GRIP2: variants seen among roughly 807,000 people sequenced by gnomAD.
GRIP2 encodes the protein glutamate receptor interacting protein 2.
GRIP2 carries 58 observed loss-of-function variants against 108.3 expected under a neutral mutation model. That is an observed-to-expected ratio of 0.54 (90% confidence interval 0.43 to 0.67). GRIP2 has a LOEUF of 0.67. Among genes scored for constraint, GRIP2 ranks in the 30% least tolerant of loss-of-function variants. GRIP2 has a pLI of 0.00. For synonymous variants in GRIP2, 586 were observed against 598.2 expected (o/e 0.98, Z 0.30); for missense variants, 1,278 against 1,430.6 (o/e 0.89, Z 1.72).
upstream of GRIP2, among the ~76,000 whole-genome samples, chr3:14,546,110 C>T (rs567570304): frequency 2.0e-5 from 3 of 152,276 alleles, no homozygotes; most frequent in Admixed American, 2.0e-4. Flanking sequence ...TCACCAGCAT[C>T]TTCACACCCC....
rs2124827212 is a variant in GRIP2, at chr3:14,494,865, T to C, written c.2948A>G (p.Gln983Arg). The C allele has an allele frequency of 6.2e-7, 1 of 1,613,692 alleles. No individual in the cohort carries two copies. The highest frequency in any genetic ancestry group is 8.5e-7 in the Non-Finnish European group (1 of 1,179,704). ...TACCTGCAGGACCCTGTCGAAGGGC[T>C]GGAGGCCTCCACGGTGGGCTGGCCC... ...PDGPAHRGGL[Q>R]PFDRVLQVNH... Residue 983 changes from glutamine (Q) to arginine (R), a missense_variant, in exon 23 of 24, where the codon CAG becomes CGG. Transcript: ENST00000621039.
In GRIP2 at chr3:14,520,159, C is replaced by A; in HGVS notation, c.981G>T (p.Glu327Asp). The change falls in exon 9 of 24, where the codon GAG becomes GAT. Residue 327 changes from glutamate (E) to aspartate (D), a missense_variant. Transcript: ENST00000621039. ...LASISEKVRL[E>D]ILPVPQSQRP... is the part of the protein sequence containing the mutation. ...GCTGACTCTGGGGCACAGGCAGGAT[C>A]TCCAGCCGCACCTTCTCTGAAATGC... 3 of 1,611,210 alleles carry A rather than the reference C, an allele frequency of 1.9e-6. No homozygotes were observed. Among genetic ancestry groups the A allele is most frequent in the Non-Finnish European group, 2.5e-6 (3 of 1,179,152 alleles).
At chr3:14,509,213 C>T (rs1427139681) in intron 17 of GRIP2, among the ~76,000 whole-genome samples, 1 of 152,212 alleles carries the variant, frequency 6.6e-6, no homozygotes, top group African/African-American at 2.4e-5. Context: ...CCAGGCTCTC[C>T]TTTTACCGCC....
At chr3:14,543,857 G>T (rs1032854986), upstream of GRIP2, among the ~76,000 whole-genome samples, 1 of 152,212 alleles carries the variant, frequency 6.6e-6, no homozygotes, top group Admixed American at 6.5e-5. Context: ...ACTGGAAGAC[G>T]GATTCCTGTG....
the GRIP2 span, among the ~76,000 whole-genome samples, chr3:14,588,810 G>A: frequency 6.6e-6 from 1 of 152,220 alleles, no homozygotes; most frequent in Admixed American, 6.5e-5. Flanking sequence ...GTTGTTTGAA[G>A]GGCCCCCCAC....
chr3:14,543,916 G>A (rs1160221487), upstream of GRIP2, among the ~76,000 whole-genome samples: 2 of 152,214 alleles, frequency 1.3e-5, no homozygotes, highest in African/African-American at 2.4e-5. Flanking sequence ...TTCCTCGGCT[G>A]TAGAATGAGA....
upstream of GRIP2, among the ~76,000 whole-genome samples, chr3:14,543,170 C>T (rs1695005105): frequency 6.6e-6 from 1 of 152,202 alleles, no homozygotes; most frequent in African/African-American, 2.4e-5. Flanking sequence ...TACAGCCAGG[C>T]CTGGGGTGGT....
rs1303947454 is a variant in GRIP2 at position 14,492,162 on chromosome 3, C to T, written c.*1503G>A. 2 of 152,476 alleles carry T rather than the reference C, an allele frequency of 1.3e-5. No individual in the cohort carries two copies. Among genetic ancestry groups the T allele is most frequent in the Non-Finnish European group, 1.5e-5 (1 of 68,284 alleles). 9.4% of individuals were successfully genotyped at this position (152,476 alleles called of 1,614,324 possible). The stretch of plus-strand genomic sequence containing the variant: ...GTGATCGTCCAGAGGGGCTGGGGGT[C>T]CAACCCAGACAGGGTCACACAGCAA... On this transcript the variant is annotated 3_prime_UTR_variant, in exon 24 of 24. Coordinates refer to ENST00000621039, the MANE Select transcript of GRIP2 (RefSeq NM_001080423.4).
chr3:14,500,837 C>T (rs549843652), intron 21 of GRIP2, among the ~76,000 whole-genome samples: 3 of 152,154 alleles, frequency 2.0e-5, no homozygotes, highest in East Asian at 1.9e-4. Context: ...AAAACCCCCA[C>T]GTTCATGAAG....
chr3:14,519,068 G>C (rs1339632794), intron 9 of GRIP2, among the ~76,000 whole-genome samples: 2 of 152,228 alleles, frequency 1.3e-5, no homozygotes, highest in Admixed American at 1.3e-4. Context: ...AGGAAGTAAT[G>C]AGGCGTGCAG....
At chr3:14,576,814 C>T in the GRIP2 span, among the ~76,000 whole-genome samples, 3 of 152,148 alleles carry the variant, frequency 2.0e-5, no homozygotes, top group Admixed American at 6.5e-5. Context: ...TGAATTTTAC[C>T]GACTTTGATG....
chr3:14,524,795 G>A (rs1460217433), intron 3 of GRIP2, among the ~76,000 whole-genome samples: 1 of 152,150 alleles, frequency 6.6e-6, no homozygotes, highest in Non-Finnish European at 1.5e-5. Context: ...TGTCTCAGAC[G>A]AGCCTGCAGA....
chr3:14,489,851 TG>T lies in GRIP2; in HGVS notation c.*3813del, dbSNP rs1469423280. 1 of 152,042 alleles carries T rather than the reference TG, an allele frequency of 6.6e-6. No individual in the cohort carries two copies. The highest frequency in any genetic ancestry group is 1.5e-5 in the Non-Finnish European group (1 of 68,022). 9.4% of individuals were successfully genotyped at this position (152,042 alleles called of 1,614,324 possible). A position where few individuals can be genotyped will look rare whatever the true frequency, so the allele number is the denominator to read the frequency against. On this transcript the variant is annotated 3_prime_UTR_variant, in exon 24 of 24. Coordinates refer to ENST00000621039, the MANE Select transcript of GRIP2 (RefSeq NM_001080423.4). ...AGGGTAGAGGGGGAGCAAACCTGAT[TG>T]CCCTTCTCCCACTCCCCCACCGTCA...
chr3:14,545,535 G>A (rs1239327543), upstream of GRIP2, among the ~76,000 whole-genome samples: 1 of 152,210 alleles, frequency 6.6e-6, no homozygotes, highest in Non-Finnish European at 1.5e-5. Flanking sequence ...GCCACGGATG[G>A]GGCAGCTCCC....
Position 14,493,828 on chromosome 3 carries a change from T to G in GRIP2, c.2971-2A>C, listed in dbSNP as rs764040510. Reference sequence around the variant, plus strand: ...GTCCCGTGTACGGACGTGGTTGACCTGCATGGGGCACAAGCAAGGGAACAG... The same window carrying G: ...GTCCCGTGTACGGACGTGGTTGACCGGCATGGGGCACAAGCAAGGGAACAG... On this transcript the variant is annotated splice_acceptor_variant, in intron 23 of 23. Coordinates refer to ENST00000621039, the MANE Select transcript of GRIP2 (RefSeq NM_001080423.4). LOFTEE classifies it high-confidence loss of function. 4 of 1,609,862 alleles carry G rather than the reference T, an allele frequency of 2.5e-6. No homozygotes were observed. Among genetic ancestry groups the G allele is most frequent in the Non-Finnish European group, 3.4e-6 (4 of 1,177,198 alleles).
In GRIP2 at chr3:14,523,602, T is replaced by C; in HGVS notation, c.490+10A>G. ...GCTGCCCCAATACCAAGGGCAATTCTTTCACTGACCTCTAAGGACAAAGCC... is the reference window on the plus strand; with the variant it reads ...GCTGCCCCAATACCAAGGGCAATTCCTTCACTGACCTCTAAGGACAAAGCC... On this transcript the variant is annotated intron_variant, in intron 5 of 23. Transcript: ENST00000621039. 1 of 1,592,772 alleles carries C rather than the reference T, an allele frequency of 6.3e-7. No homozygotes were observed. Among genetic ancestry groups the C allele is most frequent in the Non-Finnish European group, 8.6e-7 (1 of 1,162,990 alleles).
At chr3:14,508,616 C>T (rs894918561) in intron 17 of GRIP2, among the ~76,000 whole-genome samples, 2 of 151,950 alleles carry the variant, frequency 1.3e-5, no homozygotes, top group Non-Finnish European at 2.9e-5. Flanking sequence ...TGGTGGGCTC[C>T]GGGAGGGGAC....
chr3:14,519,276 C>T (rs1274529164), intron 9 of GRIP2, among the ~76,000 whole-genome samples: 3 of 152,212 alleles, frequency 2.0e-5, no homozygotes, highest in Admixed American at 1.3e-4. Flanking sequence ...TGGGGGATTC[C>T]GTTCTCTTCC....
the GRIP2 span, among the ~76,000 whole-genome samples, chr3:14,576,101 G>A: frequency 5.9e-5 from 9 of 152,252 alleles, no homozygotes; most frequent in African/African-American, 1.9e-4. Context: ...GTGAGAGGGT[G>A]TAGCAGGCAG....
Sources: gnomAD v4.1 joint callset for allele counts (sites outside exome capture counted in the v4.1 genomes callset) on GRCh38, gnomAD v4.1.1 for gene constraint, MANE v1.5 for transcripts, NCBI Gene and HGNC (gene_info 2026-07-23, HGNC 2026-07-21) for gene names.